P2RX4: variants seen among roughly 807,000 people sequenced by gnomAD.
The protein encoded by P2RX4 is purinergic receptor P2X 4.
Under a neutral mutation model 48.0 loss-of-function variants are expected in P2RX4, and 37 were observed. The ratio of observed to expected loss-of-function variants is 0.77; its 90% CI spans 0.59 to 1.01. P2RX4 has a LOEUF of 1.01. Ranked by LOEUF, P2RX4 falls within the 50% of genes least tolerant of loss-of-function variation. P2RX4 has a pLI of 0.00. For missense variants in P2RX4, 501 were observed against 521.4 expected, an observed-to-expected ratio of 0.96 and a Z score of 0.38; for synonymous variants, 200 against 199.7, an observed-to-expected ratio of 1.00 and a Z score of -0.01.
intron 5 of P2RX4, among the ~76,000 whole-genome samples, chr12:121,225,072 A>ATT (rs34333143): frequency 0.04 from 5,315 of 133,732 alleles, 164 homozygotes; most frequent in South Asian, 0.12. Flanking sequence ...ATCAAATTGG[A>ATT]TTTTTTTTTT....
chr12:121,231,529 T>C (rs540585554), intron 8 of P2RX4, among the ~76,000 whole-genome samples: 1 of 152,284 alleles, frequency 6.6e-6, no homozygotes, highest in Non-Finnish European at 1.5e-5. Context: ...GCATTTCATA[T>C]AATCAATATG....
chr12:121,210,169 C>A lies in P2RX4; in HGVS notation c.5C>A (p.Ala2Glu). 1 of 1,517,712 alleles carries A rather than the reference C, an allele frequency of 6.6e-7. No individual in the cohort carries two copies. Among genetic ancestry groups the A allele is most frequent in the Non-Finnish European group, 8.8e-7 (1 of 1,140,464 alleles). 94.0% of individuals were successfully genotyped at this position (1,517,712 alleles called of 1,614,324 possible). A position where few individuals can be genotyped will look rare whatever the true frequency, so the allele number is the denominator to read the frequency against. Residue 2 changes from alanine (A) to glutamate (E), a missense_variant, in exon 1 of 12, where the codon GCG (alanine) becomes GAG (glutamate). By Grantham distance (107) the Ala-to-Glu change is moderately radical. Transcript: ENST00000337233. ...CTGGGAGCGGGCGGCGCGGCCATGG[C>A]GGGCTGCTGCGCCGCGCTGGCGGCC... M[A>E]GCCAALAAFL...
At chr12:121,226,445 A>G (rs1886980746) in intron 5 of P2RX4, among the ~76,000 whole-genome samples, 1 of 151,912 alleles carries the variant, frequency 6.6e-6, no homozygotes, top group Non-Finnish European at 1.5e-5. Flanking sequence ...CAGGAGGCTG[A>G]GGCACGAGAA....
chr12:121,229,202 C>T lies in P2RX4; in HGVS notation c.884+103C>T. ...GAAGACCAGCACTCAGGCAGCACCC[C>T]AAGGGCAGGCTGCCGGTCCCCCGTC... On this transcript the variant is annotated intron_variant, in intron 8 of 11. Coordinates refer to ENST00000337233, the MANE Select transcript of P2RX4 (RefSeq NM_002560.3). This position sits in a 1 kb window ranked among gnomAD's most constrained non-coding sequence, Gnocchi z 4.6. 7.1e-7 allele frequency: 1 copy of T among 1,398,910 alleles called. No individual in the cohort carries two copies. 86.7% of individuals were successfully genotyped at this position (1,398,910 alleles called of 1,614,324 possible).
Position 121,233,741 on chromosome 12 carries a change from G to A in P2RX4, c.*192G>A. 1 of 1,377,152 alleles carries A rather than the reference G, an allele frequency of 7.3e-7. No individual in the cohort carries two copies. Among genetic ancestry groups the A allele is most frequent in the South Asian group, 1.4e-5 (1 of 70,628 alleles). 85.3% of individuals were successfully genotyped at this position (1,377,152 alleles called of 1,614,324 possible). On this transcript the variant is annotated 3_prime_UTR_variant, in exon 12 of 12. Coordinates refer to ENST00000337233, the MANE Select transcript of P2RX4 (RefSeq NM_002560.3). ...TCTGTTTGCCCACTCGGCCCAGGAG[G>A]TCAGCAGTCTGTTCTTGGCTGGGTC...
At chr12:121,223,116 C>A in intron 5 of P2RX4, 73 bp downstream of exon 5, 1 of 956,610 alleles carries the variant, frequency 1.0e-6, no homozygotes, top group South Asian at 1.4e-5. Context: ...CTCTGTATCC[C>A]AGGTTGGAGT....
chr12:121,233,787 C>A lies in P2RX4; in HGVS notation c.*238C>A. 5.1e-6 allele frequency: 5 copies of A among 973,406 alleles called. No homozygotes were observed. The South Asian group carries it at 6.8e-5, about 13-fold the overall frequency. 60.3% of individuals were successfully genotyped at this position (973,406 alleles called of 1,614,324 possible). A position where few individuals can be genotyped will look rare whatever the true frequency, so the allele number is the denominator to read the frequency against. ...GGGTCAACTCTGCTTTTCCCGCAAC[C>A]TGGGGTTGTCGGGGGAGCGCTGGCC... On this transcript the variant is annotated 3_prime_UTR_variant, in exon 12 of 12. Transcript: ENST00000337233.
chr12:121,230,443 G>A (rs1887268970), intron 8 of P2RX4, among the ~76,000 whole-genome samples: 1 of 152,238 alleles, frequency 6.6e-6, no homozygotes, highest in South Asian at 2.1e-4. Flanking sequence ...GGTGCTTTGG[G>A]CTGCACTTGC....
Position 121,232,954 on chromosome 12 carries a change from G to GTTGATGGT in P2RX4, c.1045-40_1045-39insATGGTTTG, listed in dbSNP as rs771074655. ...CGCAAAGAATAAGATGGGTTGATGG[G>GTTGATGGT]TTGCAAGCATCCTGGCTCACTCTCA... On this transcript the variant is annotated intron_variant, in intron 10 of 11. Coordinates refer to ENST00000337233, the MANE Select transcript of P2RX4 (RefSeq NM_002560.3). The surrounding 1 kb of genome is among the most constrained non-coding windows in gnomAD (Gnocchi z 4.3). 1.7e-5 allele frequency: 23 copies of GTTGATGGT among 1,353,914 alleles called. No homozygotes were observed. Among genetic ancestry groups the GTTGATGGT allele is most frequent in the Non-Finnish European group, 2.2e-5 (21 of 943,154 alleles). The allele number at this position is 1,353,914 out of a possible 1,614,324, so 83.9% of individuals were successfully genotyped here. A position where few individuals can be genotyped will look rare whatever the true frequency, so the allele number is the denominator to read the frequency against.
Position 121,210,133 on chromosome 12 carries a change from C to G in P2RX4, c.-32C>G. The G allele has an allele frequency of 4.0e-6, 6 of 1,495,092 alleles. No homozygotes were observed. The highest frequency in any genetic ancestry group is 1.3e-5 in the South Asian group (1 of 77,992). 92.6% of individuals were successfully genotyped at this position (1,495,092 alleles called of 1,614,324 possible). A position where few individuals can be genotyped will look rare whatever the true frequency, so the allele number is the denominator to read the frequency against. On this transcript the variant is annotated 5_prime_UTR_variant, in exon 1 of 12. Transcript: ENST00000337233. Reference sequence around the variant, plus strand: ...TCCGAGCGGGGACTGGGACCCAGACCGACTAGGGGACTGGGAGCGGGCGGC... The same window carrying G: ...TCCGAGCGGGGACTGGGACCCAGACGGACTAGGGGACTGGGAGCGGGCGGC...
rs1478047947 is a variant in P2RX4, at chr12:121,232,554, AG to A, written c.978+51del. On this transcript the variant is annotated intron_variant, in intron 9 of 11. Coordinates refer to ENST00000337233, the MANE Select transcript of P2RX4 (RefSeq NM_002560.3). This position sits in a 1 kb window ranked among gnomAD's most constrained non-coding sequence, Gnocchi z 4.3. ...CCCTCCGTCACTCCCTGCAGGGACA[AG>A]GGGCCTCTCCCTGCCCCTGCAGAAA... 1.3e-6 allele frequency: 2 copies of A among 1,598,252 alleles called. No individual in the cohort carries two copies. Among genetic ancestry groups the A allele is most frequent in the Admixed American group, 1.7e-5 (1 of 59,998 alleles).
At chr12:121,228,483 T>G in intron 5 of P2RX4, 50 bp from the exon 6 acceptor site, 14 of 1,099,074 alleles carry the variant, frequency 1.3e-5, no homozygotes, top group South Asian at 2.7e-5. Flanking sequence ...CATGGTTATG[T>G]GAGTATTTGT....
intron 1 of P2RX4, chr12:121,214,435 C>T (rs912677063): frequency 4.6e-5 from 7 of 151,984 alleles, no homozygotes; most frequent in Admixed American, 2.6e-4. Context: ...ATTGTGGTCT[C>T]CTCCTACAGC....
Position 121,210,170 on chromosome 12 carries a change from G to A in P2RX4, c.6G>A (p.Ala2=). The A allele has an allele frequency of 1.3e-6, 2 of 1,520,252 alleles. No individual in the cohort carries two copies. The highest frequency in any genetic ancestry group is 1.8e-6 in the Non-Finnish European group (2 of 1,141,594). The allele number at this position is 1,520,252 out of a possible 1,614,324, so 94.2% of individuals were successfully genotyped here. A position where few individuals can be genotyped will look rare whatever the true frequency, so the allele number is the denominator to read the frequency against. M[A]GCCAALAAFL... is the part of the protein sequence containing the mutation. ...TGGGAGCGGGCGGCGCGGCCATGGC[G>A]GGCTGCTGCGCCGCGCTGGCGGCCT... Residue 2 remains alanine (A), a synonymous_variant, in exon 1 of 12, where the codon GCG becomes GCA. Transcript: ENST00000337233.
At chr12:121,227,277 G>A (rs950299334) in intron 5 of P2RX4, among the ~76,000 whole-genome samples, 2 of 152,154 alleles carry the variant, frequency 1.3e-5, no homozygotes, top group African/African-American at 4.8e-5. Context: ...CTGGATCAGG[G>A]GAACATCCCC....
At chr12:121,220,679 A>G (rs1402391994) in intron 2 of P2RX4, among the ~76,000 whole-genome samples, 1 of 152,144 alleles carries the variant, frequency 6.6e-6, no homozygotes, top group South Asian at 2.1e-4. Context: ...TTTTAAAATG[A>G]AAAATTCAGC....
intron 1 of P2RX4, among the ~76,000 whole-genome samples, chr12:121,210,727 T>G (rs1195461473): frequency 6.6e-6 from 1 of 152,184 alleles, no homozygotes; most frequent in African/African-American, 2.4e-5. Context: ...TGCAGTGAGC[T>G]ATGATCACAC....
chr12:121,217,781 AAAAAAAG>A (rs919425221), intron 2 of P2RX4, among the ~76,000 whole-genome samples: 4 of 121,640 alleles, frequency 3.3e-5, no homozygotes, highest in Admixed American at 9.1e-5. Flanking sequence ...AAAAAAAGAA[AAAAAAAG>A]AAAAGAATTA....
intron 5 of P2RX4, among the ~76,000 whole-genome samples, chr12:121,227,564 G>A (rs1219526493): frequency 2.6e-5 from 4 of 152,180 alleles, no homozygotes; most frequent in Admixed American, 1.3e-4. Flanking sequence ...CCAAAGCCAG[G>A]CCTACTGATT....
Sources: gnomAD v4.1 joint callset for allele counts (sites outside exome capture counted in the v4.1 genomes callset) on GRCh38, gnomAD v4.1.1 for gene constraint, Gnocchi (gnomAD v3.1) non-coding constraint, MANE v1.5 for transcripts, NCBI Gene and HGNC (gene_info 2026-07-23, HGNC 2026-07-21) for gene names.